The following CARNMT1 variants were observed in gnomAD, a reference collection of about 807,000 sequenced individuals.
The protein encoded by CARNMT1 is carnosine N-methyltransferase 1, also known as protein-L-histidine N-pros-methyltransferase CARNMT1.
CARNMT1 carries 28 observed loss-of-function variants against 49.6 expected under a neutral mutation model. The observed-to-expected ratio is 0.56, with a 90% CI of 0.42 to 0.77. CARNMT1 has a LOEUF of 0.77. Ranked by LOEUF, CARNMT1 falls within the 30% of genes least tolerant of loss-of-function variation. The pLI is 0.00. For synonymous variants in CARNMT1, 178 were observed against 175.0 expected (o/e 1.02, Z -0.13); for missense variants, 421 against 512.6 (o/e 0.82, Z 1.73).
At chr9:74,989,639 C>A (rs145375200) in intron 6 of CARNMT1, among the ~76,000 whole-genome samples, 1 of 152,074 alleles carries the variant, frequency 6.6e-6, no homozygotes, top group Non-Finnish European at 1.5e-5. Flanking sequence ...GTGGCTCCCC[C>A]CATGCTGTTC....
At chr9:75,018,277 T>C (rs1164327095) in intron 1 of CARNMT1, among the ~76,000 whole-genome samples, 1 of 152,140 alleles carries the variant, frequency 6.6e-6, no homozygotes, top group Admixed American at 6.6e-5. Context: ...TTGCCCAGGC[T>C]GGTCTCAAAC....
chr9:75,028,371 C>G, upstream of CARNMT1: 3 of 1,301,488 alleles, frequency 2.3e-6, no homozygotes, highest in East Asian at 3.2e-5. Context: ...GCTCCGCCCC[C>G]GCCACCCTCA....
chr9:75,022,637 G>C (rs1252451387), intron 1 of CARNMT1, among the ~76,000 whole-genome samples: 2 of 152,130 alleles, frequency 1.3e-5, no homozygotes, highest in Non-Finnish European at 2.9e-5. Context: ...GCCACATCAA[G>C]TTAGGCAAAC....
intron 6 of CARNMT1, among the ~76,000 whole-genome samples, chr9:74,994,117 G>A (rs928694841): frequency 6.6e-6 from 1 of 152,180 alleles, no homozygotes; most frequent in African/African-American, 2.4e-5. Flanking sequence ...GCTCACTCAT[G>A]CTCTCATTCA....
chr9:75,004,327 A>G (rs1833443721), intron 3 of CARNMT1, among the ~76,000 whole-genome samples: 1 of 152,246 alleles, frequency 6.6e-6, no homozygotes, highest in Admixed American at 6.5e-5. Flanking sequence ...AAAAAATGGC[A>G]TCTTAACGTG....
intron 1 of CARNMT1, among the ~76,000 whole-genome samples, chr9:75,024,991 G>A (rs1822482645): frequency 6.6e-6 from 1 of 152,194 alleles, no homozygotes; most frequent in Non-Finnish European, 1.5e-5. Flanking sequence ...AAAGTCGTAG[G>A]AAAGGGAAAA....
chr9:75,001,279 A>G (rs1833345250), intron 3 of CARNMT1, among the ~76,000 whole-genome samples: 1 of 152,224 alleles, frequency 6.6e-6, no homozygotes, highest in Non-Finnish European at 1.5e-5. Flanking sequence ...TGCAGGAGTT[A>G]GAAATTATGC....
chr9:75,024,163 T>A (rs1320013923), intron 1 of CARNMT1, among the ~76,000 whole-genome samples: 1 of 152,188 alleles, frequency 6.6e-6, no homozygotes, highest in Non-Finnish European at 1.5e-5. Context: ...GTTGAACTAC[T>A]CTAGGAAATC....
rs111327348 is a variant in CARNMT1 at position 74,993,672 on chromosome 9, A to G, written c.1024+2775T>C. Among the ~76,000 whole-genome samples the G allele has an allele frequency of 3.4e-3, 515 of 152,150 alleles. 6 individuals are homozygous for G. The highest frequency in any genetic ancestry group is 0.011 in the African/African-American group (476 of 41,506). On this transcript the variant is annotated intron_variant, in intron 6 of 7. Coordinates refer to ENST00000376834, the MANE Select transcript of CARNMT1 (RefSeq NM_152420.3). ...CACCCCCGGAGGGCAACATTTTTCA[A>G]TATCTAAAGACATTTTGGTTGTCAA... is the stretch of plus-strand genomic sequence containing the variant.
intron 1 of CARNMT1, among the ~76,000 whole-genome samples, chr9:75,024,096 A>C (rs1451497428): frequency 6.6e-6 from 1 of 152,198 alleles, no homozygotes; most frequent in Non-Finnish European, 1.5e-5. Flanking sequence ...CATCAGGGTG[A>C]GCCCACACCA....
intron 3 of CARNMT1, among the ~76,000 whole-genome samples, chr9:75,010,532 G>A (rs1833657248): frequency 6.6e-6 from 1 of 152,186 alleles, no homozygotes; most frequent in Non-Finnish European, 1.5e-5. Context: ...GGGCTGGGAG[G>A]AGAAGGAGTG....
rs558592967 is a variant in CARNMT1 at position 75,007,886 on chromosome 9, A to C, written c.591-8016T>G. On this transcript the variant is annotated intron_variant, in intron 3 of 7. Coordinates refer to ENST00000376834, the MANE Select transcript of CARNMT1 (RefSeq NM_152420.3). ...ACAAAAGGCATTCAAATTGGAAAAG[A>C]AAAGGTAAAAACTCTCTTTTTGCAT... Among the ~76,000 whole-genome samples, 10 of 152,206 alleles carry C rather than the reference A, an allele frequency of 6.6e-5. No individual in the cohort carries two copies. In the East Asian group the frequency reaches 1.7e-3, roughly 26 times the overall value.
chr9:75,024,702 T>C (rs1822473314), intron 1 of CARNMT1, among the ~76,000 whole-genome samples: 1 of 152,202 alleles, frequency 6.6e-6, no homozygotes, highest in Non-Finnish European at 1.5e-5. Flanking sequence ...TATGACCTTT[T>C]ATCTAAATCT....
At chr9:75,010,127 T>TC in intron 3 of CARNMT1, 1 of 140,176 alleles carries the variant, frequency 7.1e-6, no homozygotes, top group Admixed American at 7.0e-5. Flanking sequence ...TTCTTTTTTT[T>TC]TTTTTTTTTT....
chr9:75,025,225 T>C (rs1308891367), intron 1 of CARNMT1, among the ~76,000 whole-genome samples: 1 of 152,156 alleles, frequency 6.6e-6, no homozygotes, highest in African/African-American at 2.4e-5. Flanking sequence ...GGACCCATGG[T>C]GTTATTTAAG....
chr9:74,996,284 G>A, intron 6 of CARNMT1, 163 bp downstream of exon 6: 1 of 526,404 alleles, frequency 1.9e-6, no homozygotes, highest in Admixed American at 3.7e-5. Context: ...GCCTTTGGAG[G>A]GATCACCACC....
intron 1 of CARNMT1, among the ~76,000 whole-genome samples, chr9:75,022,664 T>G (rs1014954247): frequency 3.9e-5 from 6 of 152,148 alleles, no homozygotes; most frequent in Admixed American, 3.3e-4. Flanking sequence ...GCTTCAACAG[T>G]TGAACAGCCT....
In CARNMT1 at chr9:75,016,295, A is replaced by G; in HGVS notation, c.563T>C (p.Ile188Thr). The G allele has an allele frequency of 6.2e-7, 1 of 1,612,958 alleles. No individual in the cohort carries two copies. Among genetic ancestry groups the G allele is most frequent in the Non-Finnish European group, 8.5e-7 (1 of 1,179,796 alleles). The change falls in exon 3 of 8, where the codon ATT becomes ACT. Residue 188 changes from isoleucine (I) to threonine (T), a missense_variant. Physicochemically the swap from Ile to Thr is moderately conservative, Grantham distance 89. Transcript: ENST00000376834. ...DACYQPIIKE[I>T]LKNFPKERWD... ...TCTCTCTTTTGGAAAATTTTTTAAA[A>G]TTTCTTTAATGATTGGCTGGTAACA...
chr9:75,003,569 C>G (rs1456688226), intron 3 of CARNMT1, among the ~76,000 whole-genome samples: 1 of 152,256 alleles, frequency 6.6e-6, no homozygotes, highest in Non-Finnish European at 1.5e-5. Flanking sequence ...AACCCCTGAT[C>G]TAATACAATA....
Sources: allele counts gnomAD v4.1 joint callset (sites outside exome capture counted in the v4.1 genomes callset), GRCh38; gene constraint gnomAD v4.1.1; transcripts MANE v1.5; gene names NCBI Gene and HGNC (gene_info 2026-07-23, HGNC 2026-07-21).